IKZF2: variants seen among roughly 807,000 people sequenced by gnomAD.
IKZF2 encodes the protein IKAROS family zinc finger 2.
A neutral mutation model predicts 49.2 loss-of-function variants in IKZF2; 15 were observed. That is an observed-to-expected ratio of 0.30 (90% CI 0.20 to 0.47). IKZF2 has a LOEUF of 0.47. Among genes scored for constraint, IKZF2 ranks in the 20% least tolerant of loss-of-function variants. The pLI, the probability that IKZF2 is intolerant of heterozygous loss-of-function variation, is 1.00. For synonymous variants in IKZF2, 227 were observed against 221.4 expected (o/e 1.03, Z -0.23); for missense variants, 567 against 664.6 (o/e 0.85, Z 1.61).
chr2:213,027,226 C>A (rs1053054150), intron 6 of IKZF2, among the ~76,000 whole-genome samples: 1 of 152,104 alleles, frequency 6.6e-6, no homozygotes, highest in Non-Finnish European at 1.5e-5. Context: ...CCTCTCAATT[C>A]TCACTTCTGT....
At position 213,107,167 on chromosome 2, in the gene IKZF2, A is replaced by C. The variant is rs115333209; in HGVS notation, c.139+40541T>G. 7.0e-4 allele frequency among the ~76,000 whole-genome samples: 107 copies of C among 152,314 alleles called. 1 individual carries two copies. The highest frequency in any genetic ancestry group is 2.3e-3 in the African/African-American group (97 of 41,564). On this transcript the variant is annotated intron_variant, in intron 4 of 8. Transcript: ENST00000434687. ...TAGGGTTCCCTCAGACACACAGTGA[A>C]AGACCATCACAAAGCACTCAGGCTG... is the stretch of plus-strand genomic sequence containing the variant.
chr2:213,049,970 A>C, intron 5 of IKZF2, 90 bp from the exon 6 acceptor site: 1 of 886,876 alleles, frequency 1.1e-6, no homozygotes, highest in Non-Finnish European at 1.6e-6. Context: ...CCAGTTCTCT[A>C]TGCTAAAAAT....
At chr2:213,124,228 G>T in intron 4 of IKZF2, among the ~76,000 whole-genome samples, 1 of 136,406 alleles carries the variant, frequency 7.3e-6, no homozygotes, top group Non-Finnish European at 1.6e-5. Context: ...TTGTGTGCAC[G>T]CACACATGCG....
intron 4 of IKZF2, among the ~76,000 whole-genome samples, chr2:213,087,913 C>A (rs530692768): frequency 6.6e-6 from 1 of 152,308 alleles, no homozygotes; most frequent in African/African-American, 2.4e-5. Context: ...CACTGATGGA[C>A]ATTTGGGTTG....
At chr2:213,047,376 T>G (rs934672429) in intron 6 of IKZF2, among the ~76,000 whole-genome samples, 1 of 152,072 alleles carries the variant, frequency 6.6e-6, no homozygotes, top group East Asian at 1.9e-4. Context: ...GGGAGGAGTT[T>G]GGGTGTGTTC....
intron 4 of IKZF2, among the ~76,000 whole-genome samples, chr2:213,095,327 C>G (rs528593264): frequency 1.3e-5 from 2 of 152,130 alleles, no homozygotes; most frequent in African/African-American, 4.8e-5. Flanking sequence ...ATCCAAGATT[C>G]ATTTTAAAAC....
chr2:213,057,221 T>TTCA, intron 4 of IKZF2, 122 bp from the exon 5 acceptor site: 3 of 862,112 alleles, frequency 3.5e-6, no homozygotes, highest in Non-Finnish European at 5.2e-6. Flanking sequence ...TAGAATAGAG[T>TTCA]TCATCATCGA....
chr2:213,028,158 TC>T (rs1266543624), intron 6 of IKZF2, among the ~76,000 whole-genome samples: 1 of 152,024 alleles, frequency 6.6e-6, no homozygotes, highest in Non-Finnish European at 1.5e-5. Context: ...TATTATCCTT[TC>T]CCCCCTTAAA....
chr2:213,124,258 A>AGTG (rs2060173416), intron 4 of IKZF2, among the ~76,000 whole-genome samples: 5 of 93,386 alleles, frequency 5.4e-5, no homozygotes, highest in Admixed American at 1.0e-4. Context: ...GCGCGCACAC[A>AGTG]CACACACACA....
chr2:213,038,039 T>C (rs1699205691), intron 6 of IKZF2, among the ~76,000 whole-genome samples: 1 of 151,368 alleles, frequency 6.6e-6, no homozygotes, highest in African/African-American at 2.4e-5. Context: ...GTCATGGTGG[T>C]CTGTTTTGTT....
chr2:213,084,606 G>A (rs199858984), intron 4 of IKZF2, among the ~76,000 whole-genome samples: 12 of 149,752 alleles, frequency 8.0e-5, no homozygotes, highest in African/African-American at 7.3e-5. Flanking sequence ...AAAAGAAATT[G>A]AAAAAAAAAA....
At chr2:213,148,531 T>G (rs1559335851) in intron 3 of IKZF2, 65 bp downstream of exon 3, 1 of 1,095,064 alleles carries the variant, frequency 9.1e-7, no homozygotes, top group East Asian at 2.4e-5. Flanking sequence ...ATCCAGGAAT[T>G]AAAACACAGG....
intron 4 of IKZF2, among the ~76,000 whole-genome samples, chr2:213,144,462 T>C (rs907836827): frequency 1.3e-5 from 2 of 151,950 alleles, no homozygotes; most frequent in African/African-American, 2.4e-5. Flanking sequence ...CTGAAACCAA[T>C]ACTGAACAAC....
chr2:213,042,718 T>C (rs1189803740), intron 6 of IKZF2, among the ~76,000 whole-genome samples: 1 of 152,134 alleles, frequency 6.6e-6, no homozygotes, highest in East Asian at 1.9e-4. Context: ...CTTCACAGGA[T>C]CTTTAAGTTC....
At chr2:213,047,911 T>C (rs1179453663) in intron 6 of IKZF2, among the ~76,000 whole-genome samples, 1 of 152,062 alleles carries the variant, frequency 6.6e-6, no homozygotes, top group Non-Finnish European at 1.5e-5. Context: ...GCCGATGTGC[T>C]AAACAGAGTA....
At chr2:213,030,684 T>C (rs6757308) in intron 6 of IKZF2, among the ~76,000 whole-genome samples, 35,301 of 152,038 alleles carry the variant, frequency 0.23, 4,575 homozygotes, top group Non-Finnish European at 0.28. Flanking sequence ...AAACTAAATA[T>C]AGTACAATTT....
intron 4 of IKZF2, among the ~76,000 whole-genome samples, chr2:213,119,301 C>T: frequency 6.6e-6 from 1 of 152,142 alleles, no homozygotes; most frequent in East Asian, 1.9e-4. Flanking sequence ...ATAACCTTTG[C>T]TAGGGCACTG....
chr2:213,028,476 A>G (rs1698051197), intron 6 of IKZF2, among the ~76,000 whole-genome samples: 1 of 152,170 alleles, frequency 6.6e-6, no homozygotes, highest in Non-Finnish European at 1.5e-5. Flanking sequence ...ACATCTTAAC[A>G]ATACTGAATC....
At chr2:213,129,741 A>C (rs943152703) in intron 4 of IKZF2, among the ~76,000 whole-genome samples, 2 of 152,190 alleles carry the variant, frequency 1.3e-5, no homozygotes, top group African/African-American at 4.8e-5. Flanking sequence ...AAGCAGGAAG[A>C]CCGGTTAAAC....
Sources: gnomAD v4.1 joint callset for allele counts (sites outside exome capture counted in the v4.1 genomes callset) on GRCh38, gnomAD v4.1.1 for gene constraint, MANE v1.5 for transcripts, NCBI Gene and HGNC (gene_info 2026-07-23, HGNC 2026-07-21) for gene names.